The following NUP210 variants were observed in gnomAD, a reference collection of about 807,000 sequenced individuals.
NUP210 encodes nuclear pore membrane glycoprotein 210.
In NUP210, 151 loss-of-function variants were observed where a neutral mutation model predicts 196.0. The observed-to-expected ratio is 0.77, with a 90% CI of 0.67 to 0.88. NUP210 has a LOEUF of 0.88. Among genes scored for constraint, NUP210 ranks in the 40% least tolerant of loss-of-function variants. The pLI is 0.00. For missense variants in NUP210, 2,314 were observed against 2,493.7 expected, an observed-to-expected ratio of 0.93 and a Z score of 1.53; for synonymous variants, 1,070 against 1,052.7, an observed-to-expected ratio of 1.02 and a Z score of -0.32.
intron 13 of NUP210, among the ~76,000 whole-genome samples, chr3:13,368,040 C>T (rs148089207): frequency 2.0e-4 from 30 of 152,218 alleles, no homozygotes; most frequent in Middle Eastern, 3.4e-3. Flanking sequence ...CTGCTGCCAA[C>T]GGCTGCCCTA....
chr3:13,405,478 C>G (rs1447078956), intron 1 of NUP210, among the ~76,000 whole-genome samples: 2 of 152,070 alleles, frequency 1.3e-5, no homozygotes, highest in Admixed American at 1.3e-4. Context: ...TATACTAAAC[C>G]TCTCATATAC....
intron 30 of NUP210, among the ~76,000 whole-genome samples, chr3:13,329,281 T>C (rs1559309225): frequency 6.6e-6 from 1 of 152,200 alleles, no homozygotes. Context: ...TCAGAGAACC[T>C]GGCTCTTGGG....
In NUP210 at chr3:13,403,459, A is replaced by ACCTCAAATGCCATCGCCTTGGGGAT. The variant is rs1299201215; in HGVS notation, c.168-3623_168-3599dup. Among the ~76,000 whole-genome samples, 5 of 152,126 alleles carry ACCTCAAATGCCATCGCCTTGGGGAT rather than the reference A, an allele frequency of 3.3e-5. No individual in the cohort carries two copies. The South Asian group carries it at 6.2e-4, about 19-fold the overall frequency. ...GACCCCATCACCTCCCAAAGGTGCT[A>ACCTCAAATGCCATCGCCTTGGGGAT]CCTCAAATGCCATCGCCTTGGGGAT... On this transcript the variant is annotated intron_variant, in intron 1 of 39. Coordinates refer to ENST00000254508, the MANE Select transcript of NUP210 (RefSeq NM_024923.4).
intron 11 of NUP210, among the ~76,000 whole-genome samples, chr3:13,374,701 C>T (rs1698842591): frequency 6.6e-6 from 1 of 152,210 alleles, no homozygotes; most frequent in Non-Finnish European, 1.5e-5. Flanking sequence ...CAGACACAAG[C>T]TCCCAGCACA....
chr3:13,385,185 T>C (rs769766514), intron 6 of NUP210, among the ~76,000 whole-genome samples: 3 of 152,218 alleles, frequency 2.0e-5, no homozygotes, highest in Admixed American at 6.5e-5. Context: ...TGAGCAGGAC[T>C]TTAAACAATG....
chr3:13,386,933 G>A (rs1004289630), intron 5 of NUP210, among the ~76,000 whole-genome samples: 7 of 152,290 alleles, frequency 4.6e-5, no homozygotes, highest in Non-Finnish European at 8.8e-5. Context: ...TTCGCAATGG[G>A]AGAAAGATCA....
intron 6 of NUP210, among the ~76,000 whole-genome samples, chr3:13,382,531 A>T (rs138220718): frequency 6.6e-6 from 1 of 152,370 alleles, no homozygotes; most frequent in East Asian, 1.9e-4. Flanking sequence ...TGTATTTGCA[A>T]GAAAGGGAGG....
At chr3:13,353,849 C>G in intron 17 of NUP210, 66 bp downstream of exon 17, 1 of 1,499,552 alleles carries the variant, frequency 6.7e-7, no homozygotes, top group Non-Finnish European at 9.1e-7. Context: ...CACTGGCCCA[C>G]CTTGGCAGGC....
chr3:13,341,935 G>T (rs749343780), intron 22 of NUP210, 52 bp from the exon 23 acceptor site: 23 of 1,613,374 alleles, frequency 1.4e-5, no homozygotes, highest in Middle Eastern at 1.7e-4. Flanking sequence ...CGTGGGAAAG[G>T]CTGCAGCTGG....
chr3:13,330,317 G>A, intron 30 of NUP210, 143 bp downstream of exon 30: 1 of 746,010 alleles, frequency 1.3e-6, no homozygotes, highest in Non-Finnish European at 2.3e-6. Flanking sequence ...ATCTACCTAG[G>A]ACCTTTGCCC....
chr3:13,329,526 G>C (rs1358429057), intron 30 of NUP210, among the ~76,000 whole-genome samples: 1 of 152,206 alleles, frequency 6.6e-6, no homozygotes, highest in African/African-American at 2.4e-5. Context: ...TGCAGTGTCT[G>C]GTATACAGCT....
At chr3:13,371,210 A>G (rs559784022) in intron 13 of NUP210, among the ~76,000 whole-genome samples, 55 of 152,286 alleles carry the variant, frequency 3.6e-4, no homozygotes, top group African/African-American at 1.3e-3. Context: ...CCACGCCCAG[A>G]TCTGCACCCC....
intron 25 of NUP210, among the ~76,000 whole-genome samples, chr3:13,339,002 A>T (rs1697344789): frequency 6.6e-6 from 1 of 152,116 alleles, no homozygotes; most frequent in African/African-American, 2.4e-5. Flanking sequence ...GAGAAAAAAA[A>T]CCACAGAGTC....
At chr3:13,365,523 A>G (rs999018804) in intron 14 of NUP210, among the ~76,000 whole-genome samples, 4 of 152,240 alleles carry the variant, frequency 2.6e-5, no homozygotes, top group Non-Finnish European at 5.9e-5. Context: ...TGGAGGCCTC[A>G]GCATCTGCCA....
At position 13,342,179 on chromosome 3, in the gene NUP210, C is replaced by G; in HGVS notation, c.2965-56G>C. On this transcript the variant is annotated intron_variant, in intron 21 of 39. Transcript: ENST00000254508. Reference sequence around the variant, plus strand: ...GCCTCCAAAAGACCAATCCTACCATCTATGGTGCTCCGTGACTTTCTGAGA... The same window carrying G: ...GCCTCCAAAAGACCAATCCTACCATGTATGGTGCTCCGTGACTTTCTGAGA... The G allele has an allele frequency of 2.5e-6, 4 of 1,599,564 alleles. No homozygotes were observed. The South Asian group carries it at 3.3e-5, about 13-fold the overall frequency.
chr3:13,371,368 T>C (rs1698724506), intron 13 of NUP210, among the ~76,000 whole-genome samples: 1 of 152,184 alleles, frequency 6.6e-6, no homozygotes, highest in Non-Finnish European at 1.5e-5. Context: ...GCCTGTCCTG[T>C]CCTGACAGGA....
intron 34 of NUP210, 61 bp from the exon 35 acceptor site, chr3:13,322,400 A>G: frequency 6.3e-7 from 1 of 1,589,882 alleles, no homozygotes; most frequent in South Asian, 1.1e-5. Context: ...ACCAAATTCC[A>G]CCAGGCCTGC....
rs746972286 is a variant in NUP210, at chr3:13,371,823, C to G, written c.1786+11G>C. The G allele has an allele frequency of 8.8e-6, 14 of 1,598,200 alleles. No homozygotes were observed. The African/African-American group carries it at 1.7e-4, about 20-fold the overall frequency. On this transcript the variant is annotated intron_variant, in intron 13 of 39. Coordinates refer to ENST00000254508, the MANE Select transcript of NUP210 (RefSeq NM_024923.4). Reference sequence around the variant, plus strand: ...CCAGTATCTGGCACCTGCTCAGCAGCGCTGGTTTACCTGGGAGTGGCTGGA... The same window carrying G: ...CCAGTATCTGGCACCTGCTCAGCAGGGCTGGTTTACCTGGGAGTGGCTGGA...
chr3:13,319,056 C>A lies in NUP210; in HGVS notation c.5563+16G>T, dbSNP rs766392149. The A allele has an allele frequency of 1.3e-6, 2 of 1,590,962 alleles. No homozygotes were observed. Among genetic ancestry groups the A allele is most frequent in the South Asian group, 2.3e-5 (2 of 86,878 alleles). On this transcript the variant is annotated intron_variant, in intron 39 of 39. Transcript: ENST00000254508. ...CAGCAGCTCTGCCTGGTTGTGCCTG[C>A]AGGGGGGCTACTCACAGTGGGGGCT...
Sources: allele counts gnomAD v4.1 joint callset (sites outside exome capture counted in the v4.1 genomes callset), GRCh38; gene constraint gnomAD v4.1.1; transcripts MANE v1.5; gene names NCBI Gene and HGNC (gene_info 2026-07-23, HGNC 2026-07-21).